Variants in TENM2 observed in about 807,000 individuals in gnomAD.
TENM2 encodes the protein teneurin-2.
Under a neutral mutation model 245.2 loss-of-function variants are expected in TENM2, and 52 were observed. The observed-to-expected ratio is 0.21, with a 90% CI of 0.17 to 0.27. The LOEUF (loss-of-function observed/expected upper bound fraction) is 0.27. Ranked by LOEUF, TENM2 falls within the 10% of genes least tolerant of loss-of-function variation. The pLI, the probability that TENM2 is intolerant of heterozygous loss-of-function variation, is 1.00. For missense variants in TENM2, 3,046 were observed against 3,666.8 expected (o/e 0.83, Z 4.37); for synonymous variants, 1,363 against 1,438.9 (o/e 0.95, Z 1.19).
At chr5:168,183,995 C>T (rs946674111) in intron 13 of TENM2, among the ~76,000 whole-genome samples, 1 of 152,160 alleles carries the variant, frequency 6.6e-6, no homozygotes, top group African/African-American at 2.4e-5. Context: ...TGTCAATTCA[C>T]CTGGGGAACC....
At chr5:167,989,925 C>T (rs1453536320) in intron 4 of TENM2, among the ~76,000 whole-genome samples, 1 of 152,074 alleles carries the variant, frequency 6.6e-6, no homozygotes, top group African/African-American at 2.4e-5. Flanking sequence ...GGGTCAGGAG[C>T]TAAGGAGTCA....
At chr5:167,906,254 T>C (rs1485767922) in intron 3 of TENM2, among the ~76,000 whole-genome samples, 2 of 152,232 alleles carry the variant, frequency 1.3e-5, no homozygotes, top group African/African-American at 4.8e-5. Flanking sequence ...ACTTAAGCTG[T>C]GTTTTAAGTA....
intron 4 of TENM2, among the ~76,000 whole-genome samples, chr5:167,984,006 G>A (rs1440278801): frequency 1.3e-5 from 2 of 152,186 alleles, no homozygotes; most frequent in Non-Finnish European, 2.9e-5. Flanking sequence ...TTCACTGGAT[G>A]TCAATCTCAA....
chr5:167,017,693 A>T, the TENM2 span, among the ~76,000 whole-genome samples: 12 of 152,358 alleles, frequency 7.9e-5, no homozygotes, highest in Admixed American at 1.3e-4. Context: ...TTTAAGAAAT[A>T]TTAAAATTTA....
chr5:167,225,437 C>A, the TENM2 span, among the ~76,000 whole-genome samples: 1 of 151,844 alleles, frequency 6.6e-6, no homozygotes, highest in Non-Finnish European at 1.5e-5. Flanking sequence ...AGTTTCTATC[C>A]TTCATTCTGT....
At chr5:167,002,090 A>G in the TENM2 span, among the ~76,000 whole-genome samples, 1 of 152,164 alleles carries the variant, frequency 6.6e-6, no homozygotes, top group Non-Finnish European at 1.5e-5. Context: ...AGTTCATATG[A>G]AAAAGAACTA....
chr5:168,225,877 A>AAGTC (rs1439072000), intron 23 of TENM2, among the ~76,000 whole-genome samples: 1 of 152,150 alleles, frequency 6.6e-6, no homozygotes, highest in African/African-American at 2.4e-5. Flanking sequence ...CCAGGAGCTG[A>AAGTC]AGTCAGTTAT....
the TENM2 span, among the ~76,000 whole-genome samples, chr5:167,209,004 G>A: frequency 6.6e-6 from 1 of 152,250 alleles, no homozygotes; most frequent in South Asian, 2.1e-4. Flanking sequence ...TCAAGTGGGA[G>A]AATCAGGAAG....
chr5:168,170,459 G>T (rs567678556), intron 13 of TENM2, among the ~76,000 whole-genome samples: 1 of 152,068 alleles, frequency 6.6e-6, no homozygotes, highest in Non-Finnish European at 1.5e-5. Flanking sequence ...AGGCAAGATC[G>T]CACCACTGCA....
At chr5:167,005,906 C>T in the TENM2 span, among the ~76,000 whole-genome samples, 9 of 151,854 alleles carry the variant, frequency 5.9e-5, no homozygotes, top group Non-Finnish European at 1.0e-4. Context: ...ATGATCAGCC[C>T]GCCTCGGCCT....
chr5:167,825,464 G>A (rs563259923), intron 2 of TENM2, among the ~76,000 whole-genome samples: 139 of 152,302 alleles, frequency 9.1e-4, no homozygotes, highest in Non-Finnish European at 1.5e-3. Context: ...GCTTAGAAGA[G>A]CAGAAGGGAG....
chr5:168,062,010 C>G, intron 6 of TENM2, 50 bp from the exon 9 acceptor site: 1 of 1,486,392 alleles, frequency 6.7e-7, no homozygotes, highest in Non-Finnish European at 9.0e-7. Flanking sequence ...ATAGAGCCAA[C>G]TAATCTATAC....
chr5:168,102,451 A>T (rs1793902063), intron 9 of TENM2, among the ~76,000 whole-genome samples: 1 of 152,234 alleles, frequency 6.6e-6, no homozygotes, highest in Admixed American at 6.5e-5. Flanking sequence ...TAGCGCCCCC[A>T]TTAACCCTAT....
chr5:167,821,291 G>A (rs1438309705), intron 2 of TENM2: 1 of 152,196 alleles, frequency 6.6e-6, no homozygotes, highest in Non-Finnish European at 1.5e-5. Flanking sequence ...AGAATGGTAA[G>A]TGTCAATTAC....
intron 2 of TENM2, among the ~76,000 whole-genome samples, chr5:167,801,605 T>C (rs1294000581): frequency 2.0e-5 from 3 of 152,046 alleles, no homozygotes; most frequent in Non-Finnish European, 2.9e-5. Context: ...TGAATTCAAT[T>C]TGGGGACAGG....
intron 2 of TENM2, among the ~76,000 whole-genome samples, chr5:167,456,413 CTAATTCTTTTCCAAGCAA>C (rs138313959): frequency 0.027 from 4,098 of 152,218 alleles, 115 homozygotes; most frequent in Non-Finnish European, 0.03. Flanking sequence ...AATCCAACCT[CTAATTCTTTTCCAAGCAA>C]AAATAATTAT....
chr5:167,469,302 G>C (rs1240027467), intron 2 of TENM2, among the ~76,000 whole-genome samples: 2 of 152,078 alleles, frequency 1.3e-5, no homozygotes, highest in African/African-American at 4.8e-5. Context: ...TTTCAATGCA[G>C]AAATGGCATC....
chr5:167,194,040 G>A, the TENM2 span, among the ~76,000 whole-genome samples: 14 of 151,924 alleles, frequency 9.2e-5, 1 homozygote, highest in Admixed American at 9.2e-4. Context: ...TCTTCACATG[G>A]CATCTCTAGA....
intron 26 of TENM2, among the ~76,000 whole-genome samples, chr5:168,245,334 C>T (rs751929959): frequency 1.3e-4 from 20 of 152,140 alleles, no homozygotes; most frequent in Admixed American, 9.2e-4. Flanking sequence ...AATCATCCCA[C>T]TGGCAGCGTG....
Sources: allele counts gnomAD v4.1 joint callset (sites outside exome capture counted in the v4.1 genomes callset), GRCh38; gene constraint gnomAD v4.1.1; transcripts MANE v1.5; gene names NCBI Gene and HGNC (gene_info 2026-07-23, HGNC 2026-07-21).